Variants in DNAJC21 observed in about 807,000 individuals in gnomAD.
DNAJC21 encodes the protein DnaJ heat shock protein family (Hsp40) member C21.
DNAJC21 carries 63 observed loss-of-function variants against 72.4 expected under a neutral mutation model. That is an observed-to-expected ratio of 0.87 (90% CI 0.71 to 1.07). The LOEUF (loss-of-function observed/expected upper bound fraction) is 1.07, where lower values mean the gene tolerates loss of function less well. Ranked by LOEUF, DNAJC21 falls within the 50% of genes least tolerant of loss-of-function variation. The pLI is 0.00. For synonymous variants in DNAJC21, 203 were observed against 216.7 expected (o/e 0.94, Z 0.56); for missense variants, 634 against 644.8 (o/e 0.98, Z 0.18).
chr5:34,930,656 AAG>A (rs1247413417), intron 1 of DNAJC21, among the ~76,000 whole-genome samples: 1 of 152,162 alleles, frequency 6.6e-6, no homozygotes, highest in Non-Finnish European at 1.5e-5. Context: ...CTGGGAAACT[AAG>A]AGAGTAGTTG....
At chr5:34,950,430 C>T (rs919018570) in intron 10 of DNAJC21, 88 bp downstream of exon 10, 1 of 1,482,672 alleles carries the variant, frequency 6.7e-7, no homozygotes, top group African/African-American at 1.4e-5. Context: ...ATCTTCTTTC[C>T]CATGACTGAC....
chr5:34,946,947 G>C (rs1416036944), intron 9 of DNAJC21, among the ~76,000 whole-genome samples: 3 of 152,106 alleles, frequency 2.0e-5, no homozygotes. Context: ...TTCCTTTATA[G>C]CATCTCTCGT....
At chr5:34,940,999 G>A (rs1433776905) in intron 6 of DNAJC21, 97 bp from the exon 7 acceptor site, 3 of 999,660 alleles carry the variant, frequency 3.0e-6, no homozygotes, top group Non-Finnish European at 4.5e-6. Flanking sequence ...TTTTTTTTAG[G>A]TAAAGAAATA....
chr5:34,946,381 T>C (rs900923557), intron 9 of DNAJC21, among the ~76,000 whole-genome samples: 1 of 152,146 alleles, frequency 6.6e-6, no homozygotes, highest in African/African-American at 2.4e-5. Flanking sequence ...AAAAATAAAG[T>C]GAATTTGTCC....
intron 1 of DNAJC21, among the ~76,000 whole-genome samples, chr5:34,931,605 G>T (rs775798933): frequency 1.1e-4 from 16 of 151,290 alleles, no homozygotes; most frequent in Non-Finnish European, 2.4e-4. Flanking sequence ...TTGTAATCTT[G>T]AATATTAGCC....
rs60668318 is a variant in DNAJC21 at position 34,947,632 on chromosome 5, G to T, written c.1185+1829G>T. On this transcript the variant is annotated intron_variant, in intron 9 of 11. Coordinates refer to ENST00000648817, the MANE Select transcript of DNAJC21 (RefSeq NM_001012339.3). The stretch of plus-strand genomic sequence containing the variant: ...TCAAGGAGAGGATCCAGCTTTATCA[G>T]TGTAGACATGCAGTTTTCACCATGT... 2.0e-5 allele frequency among the ~76,000 whole-genome samples: 3 copies of T among 147,110 alleles called. No homozygotes were observed. In the East Asian group the frequency reaches 5.9e-4, roughly 29 times the overall value.
rs1179215108 is a variant in DNAJC21, at chr5:34,937,648, G to A, written c.743+18G>A. Reference sequence around the variant, plus strand: ...CAGGCCAAGTGCGTAGCGTGCGTGGGGCCCTCTTCTCAGTATCGGTGGGGG... The same window carrying A: ...CAGGCCAAGTGCGTAGCGTGCGTGGAGCCCTCTTCTCAGTATCGGTGGGGG... On this transcript the variant is annotated intron_variant, in intron 5 of 11. Coordinates refer to ENST00000648817, the MANE Select transcript of DNAJC21 (RefSeq NM_001012339.3). 1.3e-6 allele frequency: 2 copies of A among 1,596,528 alleles called. No homozygotes were observed. The highest frequency in any genetic ancestry group is 2.2e-5 in the East Asian group (1 of 44,648).
Position 34,938,253 on chromosome 5 carries a change from G to A in DNAJC21, c.744-605G>A, listed in dbSNP as rs142912661. Among the ~76,000 whole-genome samples, 394 of 152,316 alleles carry A rather than the reference G, an allele frequency of 2.6e-3. 1 individual carries two copies. The highest frequency in any genetic ancestry group is 9.0e-3 in the African/African-American group (373 of 41,574). ...CCACGTTCTAAGTGCCTTCCTCACA[G>A]CAATGCTGTGAAGTACTTATCCTCC... On this transcript the variant is annotated intron_variant, in intron 5 of 11. Transcript: ENST00000648817.
intron 1 of DNAJC21, 78 bp downstream of exon 1, chr5:34,929,994 C>A: frequency 8.4e-7 from 1 of 1,194,660 alleles, no homozygotes; most frequent in Non-Finnish European, 1.1e-6. Context: ...CCCGGGCGGA[C>A]TCCGCGGAGC....
At chr5:34,944,522 A>G (rs1269454133) in intron 7 of DNAJC21, among the ~76,000 whole-genome samples, 6 of 152,198 alleles carry the variant, frequency 3.9e-5, no homozygotes, top group Admixed American at 6.5e-5. Flanking sequence ...AATAATAAGT[A>G]GAGAATTTGT....
At chr5:34,948,073 A>G (rs1471634206) in intron 9 of DNAJC21, among the ~76,000 whole-genome samples, 1 of 152,194 alleles carries the variant, frequency 6.6e-6, no homozygotes, top group Non-Finnish European at 1.5e-5. Flanking sequence ...AAATGAATAA[A>G]TTGTAGCTGG....
rs775383282 is a variant in DNAJC21, at chr5:34,944,989, A to G, written c.1106A>G (p.Asn369Ser). ...PQIDENPLDD[N>S]SEEEMEDAPK... ...ATTGATGAAAATCCATTAGATGACA[A>G]TTCTGAGGAAGAAATGGAAGATGCA... is the stretch of plus-strand genomic sequence containing the variant. The change falls in exon 8 of 12, where the codon AAT becomes AGT. Residue 369 changes from asparagine to serine, a missense_variant. Asn to Ser is a conservative substitution (Grantham distance 46). Transcript: ENST00000648817. 7 of 1,613,922 alleles carry G rather than the reference A, an allele frequency of 4.3e-6. No individual in the cohort carries two copies. Among genetic ancestry groups the G allele is most frequent in the Non-Finnish European group, 5.9e-6 (7 of 1,179,960 alleles).
rs908264541 is a variant in DNAJC21, at chr5:34,956,320, T to A, written c.*1606T>A. 1 of 152,508 alleles carries A rather than the reference T, an allele frequency of 6.6e-6. No individual in the cohort carries two copies. The highest frequency in any genetic ancestry group is 1.5e-5 in the Non-Finnish European group (1 of 68,046). 9.4% of individuals were successfully genotyped at this position (152,508 alleles called of 1,614,324 possible). ...AGCATTTGAACCTTAATTTAAATTC[T>A]TTTCTTTTCCATTTAGAGATATGTT... On this transcript the variant is annotated 3_prime_UTR_variant, in exon 12 of 12. Transcript: ENST00000648817.
rs774151721 is a variant in DNAJC21, at chr5:34,954,553, A to G, written c.1435A>G (p.Ser479Gly). 1 of 1,600,414 alleles carries G rather than the reference A, an allele frequency of 6.2e-7. No individual in the cohort carries two copies. The highest frequency in any genetic ancestry group is 2.2e-5 in the East Asian group (1 of 44,538). Reference protein sequence around the residue: ...VRVPAEPQTMSVLISCTTCHS... With the variant: ...VRVPAEPQTMGVLISCTTCHS... ...ATTTATGATTTTTTGCCCTTCTCAG[A>G]GTGTTCTTATCAGCTGTACAACCTG... The change falls in exon 12 of 12, where the codon AGT becomes GGT. Residue 479 changes from serine to glycine, a missense_variant and splice_region_variant. Ser to Gly is a moderately conservative substitution (Grantham distance 56). Transcript: ENST00000648817.
At chr5:34,933,947 G>A (rs1395782956) in intron 2 of DNAJC21, 39 bp downstream of exon 2, 6 of 1,581,052 alleles carry the variant, frequency 3.8e-6, no homozygotes, top group Non-Finnish European at 5.2e-6. Context: ...AGTTTATGAT[G>A]TTGGGAGCAG....
At chr5:34,939,297 C>T (rs974951152) in intron 6 of DNAJC21, among the ~76,000 whole-genome samples, 12 of 150,038 alleles carry the variant, frequency 8.0e-5, no homozygotes, top group Non-Finnish European at 1.8e-4. Flanking sequence ...CTCGCTCTGT[C>T]GCCCAGGCCG....
chr5:34,932,419 C>CAAAAAAAAAAAAAAA (rs769907634), intron 1 of DNAJC21, among the ~76,000 whole-genome samples: 1 of 65,678 alleles, frequency 1.5e-5, no homozygotes. Context: ...GACTCCATCT[C>CAAAAAAAAAAAAAAA]AAAAAAAAAA....
intron 7 of DNAJC21, among the ~76,000 whole-genome samples, chr5:34,944,598 A>T (rs1434874967): frequency 6.6e-6 from 1 of 152,204 alleles, no homozygotes; most frequent in African/African-American, 2.4e-5. Context: ...AGATAAAAGG[A>T]CAGAGAAAGA....
chr5:34,935,603 A>G (rs1764741170), intron 2 of DNAJC21, 107 bp from the exon 3 acceptor site: 1 of 1,445,674 alleles, frequency 6.9e-7, no homozygotes, highest in African/African-American at 1.4e-5. Flanking sequence ...TGGATTGGAC[A>G]TATCAACAAC....
Sources: allele counts gnomAD v4.1 joint callset (sites outside exome capture counted in the v4.1 genomes callset), GRCh38; gene constraint gnomAD v4.1.1; transcripts MANE v1.5; gene names NCBI Gene and HGNC (gene_info 2026-07-23, HGNC 2026-07-21).